LINGO2: variants seen among roughly 807,000 people sequenced by gnomAD.
The protein encoded by LINGO2 is leucine-rich repeat and immunoglobulin-like domain-containing nogo receptor-interacting protein 2.
A neutral mutation model predicts 30.6 loss-of-function variants in LINGO2; 14 were observed. The ratio of observed to expected loss-of-function variants is 0.46; its 90% CI spans 0.30 to 0.72. LINGO2 has a LOEUF of 0.72. LINGO2 is among the 30% of genes least tolerant of loss of function. The probability of loss-of-function intolerance (pLI) is 0.07; values close to 1 mark genes in which losing one functional copy is unlikely to be tolerated. For synonymous variants in LINGO2, 317 were observed against 288.5 expected, an observed-to-expected ratio of 1.10 and a Z score of -1.00; for missense variants, 729 against 751.7, an observed-to-expected ratio of 0.97 and a Z score of 0.35.
At chr9:28,054,944 CTTCT>C in intron 4 of LINGO2, among the ~76,000 whole-genome samples, 1 of 152,154 alleles carries the variant, frequency 6.6e-6, no homozygotes, top group African/African-American at 2.4e-5. Flanking sequence ...AAGCTACAGT[CTTCT>C]TTCCTCTTAA....
chr9:28,292,910 A>G (rs1438512694), intron 4 of LINGO2, among the ~76,000 whole-genome samples: 2 of 151,738 alleles, frequency 1.3e-5, no homozygotes, highest in Admixed American at 1.3e-4. Flanking sequence ...AGCTGGGACT[A>G]CAGGTGCCCG....
chr9:28,864,763 C>G, the LINGO2 span, among the ~76,000 whole-genome samples: 5 of 151,672 alleles, frequency 3.3e-5, no homozygotes, highest in Admixed American at 1.3e-4. Context: ...TGCTAAGTAT[C>G]TGAATAATTA....
At chr9:28,362,519 G>A (rs564583268) in intron 3 of LINGO2, among the ~76,000 whole-genome samples, 19 of 151,394 alleles carry the variant, frequency 1.3e-4, no homozygotes, top group Admixed American at 1.2e-3. Flanking sequence ...TGCCCAGGCT[G>A]GAGTGCAATG....
chr9:28,748,908 G>T, the LINGO2 span, among the ~76,000 whole-genome samples: 1 of 151,938 alleles, frequency 6.6e-6, no homozygotes. Flanking sequence ...GCATGTGGTA[G>T]TTGTAAATTT....
At chr9:28,041,494 G>T (rs139360419) in intron 4 of LINGO2, among the ~76,000 whole-genome samples, 1 of 152,288 alleles carries the variant, frequency 6.6e-6, no homozygotes, top group East Asian at 1.9e-4. Context: ...GTATGTGTGC[G>T]TGTGTAGTTA....
chr9:28,338,972 G>A (rs1825678383), intron 3 of LINGO2, among the ~76,000 whole-genome samples: 1 of 152,206 alleles, frequency 6.6e-6, no homozygotes, highest in East Asian at 1.9e-4. Flanking sequence ...AATGATGCCA[G>A]ATGGGAGTAA....
intron 4 of LINGO2, among the ~76,000 whole-genome samples, chr9:28,179,471 T>G (rs1294237320): frequency 7.2e-6 from 1 of 138,160 alleles, no homozygotes; most frequent in Non-Finnish European, 1.5e-5. Context: ...GTATATATAC[T>G]ATATATAGTT....
the LINGO2 span, among the ~76,000 whole-genome samples, chr9:28,990,556 A>G: frequency 1.3e-5 from 2 of 152,208 alleles, no homozygotes; most frequent in African/African-American, 2.4e-5. Flanking sequence ...TGCCTTTTCA[A>G]GTGGCTCCCT....
chr9:28,435,088 A>AT, intron 2 of LINGO2, among the ~76,000 whole-genome samples: 1 of 152,178 alleles, frequency 6.6e-6, no homozygotes, highest in South Asian at 2.1e-4. Flanking sequence ...GTCACTGGTA[A>AT]TTTTTTATAA....
the LINGO2 span, among the ~76,000 whole-genome samples, chr9:29,205,081 G>A: frequency 6.6e-6 from 1 of 151,418 alleles, no homozygotes; most frequent in Non-Finnish European, 1.5e-5. Flanking sequence ...TTTTTCTGTC[G>A]CCAGGCTGGA....
At chr9:28,397,283 C>G (rs1368069667) in intron 2 of LINGO2, among the ~76,000 whole-genome samples, 1 of 150,902 alleles carries the variant, frequency 6.6e-6, no homozygotes, top group African/African-American at 2.4e-5. Flanking sequence ...AAAATAAAAA[C>G]TATTTTTCAC....
At chr9:28,424,020 A>C (rs535360154) in intron 2 of LINGO2, among the ~76,000 whole-genome samples, 81 of 152,188 alleles carry the variant, frequency 5.3e-4, no homozygotes, top group South Asian at 1.4e-3. Flanking sequence ...AATAGTGTTA[A>C]GACTGGTATT....
intron 2 of LINGO2, among the ~76,000 whole-genome samples, chr9:28,474,337 C>T (rs1456543586): frequency 6.6e-6 from 1 of 152,066 alleles, no homozygotes; most frequent in Non-Finnish European, 1.5e-5. Context: ...CTGCTTTGAA[C>T]TGACAAGGTC....
At chr9:28,266,336 A>G (rs1482572392) in intron 4 of LINGO2, among the ~76,000 whole-genome samples, 3 of 151,472 alleles carry the variant, frequency 2.0e-5, no homozygotes, top group Non-Finnish European at 4.4e-5. Flanking sequence ...TTCTTATAAG[A>G]AAGTTACAAT....
intron 4 of LINGO2, among the ~76,000 whole-genome samples, chr9:28,037,287 G>A (rs754420678): frequency 6.6e-6 from 1 of 152,100 alleles, no homozygotes; most frequent in African/African-American, 2.4e-5. Flanking sequence ...TTACCAGGGC[G>A]CACTAAGTTG....
At chr9:28,915,794 T>C in the LINGO2 span, among the ~76,000 whole-genome samples, 1 of 152,152 alleles carries the variant, frequency 6.6e-6, no homozygotes, top group Non-Finnish European at 1.5e-5. Context: ...ATTATCCCTG[T>C]CCTGAGAGTT....
chr9:29,111,861 G>GTATATATGTGTGTATATATACATATATT, the LINGO2 span, among the ~76,000 whole-genome samples: 12,650 of 96,508 alleles, frequency 0.13, 2,834 homozygotes, highest in East Asian at 0.36. Context: ...GTATGTTCAT[G>GTATATATGTGTGTATATATACATATATT]TATATATGTG....
intron 2 of LINGO2, among the ~76,000 whole-genome samples, chr9:28,467,040 G>A (rs919596152): frequency 6.6e-5 from 10 of 150,420 alleles, no homozygotes; most frequent in South Asian, 2.1e-4. Context: ...TTTTTTGGGG[G>A]GGGGGGACGG....
chr9:29,120,415 C>T, the LINGO2 span, among the ~76,000 whole-genome samples: 1 of 152,132 alleles, frequency 6.6e-6, no homozygotes, highest in Non-Finnish European at 1.5e-5. Flanking sequence ...TGTTATGCTA[C>T]TGATAAACAC....
Sources: gnomAD v4.1 joint callset for allele counts (sites outside exome capture counted in the v4.1 genomes callset) on GRCh38, gnomAD v4.1.1 for gene constraint, MANE v1.5 for transcripts, NCBI Gene and HGNC (gene_info 2026-07-23, HGNC 2026-07-21) for gene names.